GLI3: variants seen among roughly 807,000 people sequenced by gnomAD.
GLI3 encodes GLI family zinc finger 3.
Under a neutral mutation model 100.8 loss-of-function variants are expected in GLI3, and 20 were observed. That is an observed-to-expected ratio of 0.20 (90% CI 0.14 to 0.29). The LOEUF (loss-of-function observed/expected upper bound fraction) is 0.29, where lower values mean the gene tolerates loss of function less well. Ranked by LOEUF, GLI3 falls within the 10% of genes least tolerant of loss-of-function variation. The pLI is 1.00. For synonymous variants in GLI3, 938 were observed against 860.5 expected, an observed-to-expected ratio of 1.09 and a Z score of -1.58; for missense variants, 2,040 against 2,128.5, an observed-to-expected ratio of 0.96 and a Z score of 0.82.
At chr7:42,176,754 G>C (rs1448300417) in intron 2 of GLI3, among the ~76,000 whole-genome samples, 1 of 152,174 alleles carries the variant, frequency 6.6e-6, no homozygotes, top group Non-Finnish European at 1.5e-5. Flanking sequence ...AGTGAAGGTG[G>C]GATATTGATC....
chr7:42,066,254 C>T (rs1251948133), intron 4 of GLI3, among the ~76,000 whole-genome samples: 1 of 152,134 alleles, frequency 6.6e-6, no homozygotes, highest in African/African-American at 2.4e-5. Context: ...TCAAAGGACA[C>T]CCTTGCAAAG....
intron 6 of GLI3, among the ~76,000 whole-genome samples, chr7:42,042,265 C>CG (rs1323214841): frequency 6.6e-6 from 1 of 152,106 alleles, no homozygotes; most frequent in Non-Finnish European, 1.5e-5. Context: ...CCGCCAGTCT[C>CG]GGCCTCCCAA....
intron 3 of GLI3, among the ~76,000 whole-genome samples, chr7:42,079,768 C>T (rs987359876): frequency 6.6e-6 from 1 of 152,144 alleles, no homozygotes; most frequent in Non-Finnish European, 1.5e-5. Context: ...AAATTCTCTC[C>T]ACCAGGTAAG....
chr7:42,151,264 T>C (rs1271528890), intron 2 of GLI3: 1 of 152,150 alleles, frequency 6.6e-6, no homozygotes, highest in African/African-American at 2.4e-5. Flanking sequence ...TTGACGGGCA[T>C]TCATATGAAA....
intron 3 of GLI3, among the ~76,000 whole-genome samples, chr7:42,086,842 G>C (rs1475779266): frequency 1.3e-5 from 2 of 152,076 alleles, no homozygotes; most frequent in Non-Finnish European, 2.9e-5. Context: ...GCCCTCTGAC[G>C]GCCCTGTGCT....
At position 42,148,204 on chromosome 7, in the gene GLI3, G is replaced by A. The variant is rs1786768326; in HGVS notation, c.367+22C>T. The stretch of plus-strand genomic sequence containing the variant: ...CCCTCCCCATAGCTCCTGAACAAGT[G>A]CCGACTGGCATGGGCACTTACGGTA... On this transcript the variant is annotated intron_variant, in intron 3 of 14. Coordinates refer to ENST00000395925, the MANE Select transcript of GLI3 (RefSeq NM_000168.6). 2.5e-6 allele frequency: 4 copies of A among 1,596,294 alleles called. No individual in the cohort carries two copies. The South Asian group carries it at 3.4e-5, about 13-fold the overall frequency.
At position 41,987,101 on chromosome 7, in the gene GLI3, G is replaced by GACACAGACACACAC. The variant is rs1554308382; in HGVS notation, c.1498-8354_1498-8353insGTGTGTGTCTGTGT. Among the ~76,000 whole-genome samples the GACACAGACACACAC allele has an allele frequency of 8.6e-3, 1,209 of 140,676 alleles. 10 individuals carry two copies. The highest frequency in any genetic ancestry group is 0.025 in the African/African-American group (937 of 38,102). 92.3% of individuals were successfully genotyped at this position (140,676 alleles called of 152,430 possible). A position where few individuals can be genotyped will look rare whatever the true frequency, so the allele number is the denominator to read the frequency against. ...TACAACATACACAGACACAGACACA[G>GACACAGACACACAC]ACACACACACACACACACACACACA... On this transcript the variant is annotated intron_variant, in intron 10 of 14. Coordinates refer to ENST00000395925, the MANE Select transcript of GLI3 (RefSeq NM_000168.6).
chr7:42,215,328 C>T (rs1239309642), intron 2 of GLI3, among the ~76,000 whole-genome samples: 1 of 152,168 alleles, frequency 6.6e-6, no homozygotes, highest in South Asian at 2.1e-4. Flanking sequence ...TATCTGGAAA[C>T]GTTTCTATGT....
intron 3 of GLI3, among the ~76,000 whole-genome samples, chr7:42,120,775 T>C (rs572679099): frequency 1.8e-4 from 27 of 152,368 alleles, no homozygotes; most frequent in African/African-American, 6.3e-4. Context: ...GCTGTTCTGA[T>C]TTAATCTTGT....
chr7:42,117,059 C>G (rs960658072), intron 3 of GLI3, among the ~76,000 whole-genome samples: 1 of 152,226 alleles, frequency 6.6e-6, no homozygotes, highest in Non-Finnish European at 1.5e-5. Context: ...TAGGTAAACG[C>G]TCAACCTATG....
chr7:42,149,452 G>A (rs1045901338), intron 2 of GLI3, among the ~76,000 whole-genome samples: 2 of 152,174 alleles, frequency 1.3e-5, no homozygotes, highest in African/African-American at 4.8e-5. Context: ...AAGAACCCAT[G>A]CATAAAATTA....
At chr7:42,007,766 G>GT (rs1788497670) in intron 10 of GLI3, among the ~76,000 whole-genome samples, 1 of 152,096 alleles carries the variant, frequency 6.6e-6, no homozygotes, top group Non-Finnish European at 1.5e-5. Context: ...GGTGGCTCTG[G>GT]TATACAAGGA....
chr7:42,133,062 C>A (rs1487140239), intron 3 of GLI3, among the ~76,000 whole-genome samples: 2 of 152,124 alleles, frequency 1.3e-5, no homozygotes, highest in African/African-American at 4.8e-5. Context: ...CACCAAAAGG[C>A]CTTCAATATT....
At chr7:42,183,479 G>A (rs957584585) in intron 2 of GLI3, among the ~76,000 whole-genome samples, 3 of 152,140 alleles carry the variant, frequency 2.0e-5, no homozygotes, top group Non-Finnish European at 2.9e-5. Flanking sequence ...GCCATAGCAA[G>A]GGCCCAGGAC....
chr7:42,022,946 G>A (rs1485992943), intron 10 of GLI3, among the ~76,000 whole-genome samples: 1 of 152,126 alleles, frequency 6.6e-6, no homozygotes, highest in Non-Finnish European at 1.5e-5. Context: ...CTTTTTCCAT[G>A]AAACTACTAA....
At chr7:42,047,582 T>A (rs1313558686) in intron 5 of GLI3, among the ~76,000 whole-genome samples, 2 of 152,238 alleles carry the variant, frequency 1.3e-5, no homozygotes, top group Admixed American at 6.5e-5. Flanking sequence ...AATTCCTATG[T>A]GTGCGTGATA....
Position 42,040,190 on chromosome 7 carries a change from A to T in GLI3, c.876T>A (p.Arg292=), listed in dbSNP as rs1308173950. ...PRLSARPSRK[R]TLSISPLSDH... is the part of the protein sequence containing the mutation. ...CGGAGAGTGGTGATATGGACAGTGT[A>T]CGTTTTCGGCTCGGCCTGGCTGACA... Residue 292 remains arginine (R), a synonymous_variant, in exon 7 of 15, where the codon CGT becomes CGA. Coordinates refer to ENST00000395925, the MANE Select transcript of GLI3 (RefSeq NM_000168.6). 1.9e-6 allele frequency: 3 copies of T among 1,614,072 alleles called. No homozygotes were observed. The highest frequency in any genetic ancestry group is 1.7e-4 in the Middle Eastern group (1 of 6,058).
intron 10 of GLI3, among the ~76,000 whole-genome samples, chr7:42,019,015 CTT>C (rs1788854025): frequency 6.6e-6 from 1 of 152,126 alleles, no homozygotes; most frequent in Non-Finnish European, 1.5e-5. Flanking sequence ...AATCATTTGA[CTT>C]TTTAAAGACC....
chr7:42,165,193 G>GA (rs1197355252), intron 2 of GLI3, among the ~76,000 whole-genome samples: 1 of 149,398 alleles, frequency 6.7e-6, no homozygotes. Context: ...AAAAAAAAAA[G>GA]AAAAAACAAA....
Sources: gnomAD v4.1 joint callset for allele counts (sites outside exome capture counted in the v4.1 genomes callset) on GRCh38, gnomAD v4.1.1 for gene constraint, MANE v1.5 for transcripts, NCBI Gene and HGNC (gene_info 2026-07-23, HGNC 2026-07-21) for gene names.